CNOT6L: variants seen among roughly 807,000 people sequenced by gnomAD.
CNOT6L encodes the protein CCR4-NOT transcription complex subunit 6 like, also known as CCR4-NOT transcription complex subunit 6-like.
Under a neutral mutation model 64.0 loss-of-function variants are expected in CNOT6L, and 7 were observed. The observed-to-expected ratio is 0.11, with a 90% CI of 0.06 to 0.21. CNOT6L has a LOEUF of 0.21. Among genes scored for constraint, CNOT6L ranks in the 10% least tolerant of loss-of-function variants. The pLI is 1.00. For synonymous variants in CNOT6L, 193 were observed against 243.4 expected (o/e 0.79, Z 1.93); for missense variants, 245 against 669.0 (o/e 0.37, Z 6.99).
In CNOT6L at chr4:77,716,977, C is replaced by CA. The variant is rs1419375820; in HGVS notation, c.*3453dup. 6.6e-6 allele frequency: 1 copy of CA among 152,516 alleles called. No individual in the cohort carries two copies. The highest frequency in any genetic ancestry group is 2.4e-5 in the African/African-American group (1 of 41,416). 9.4% of individuals were successfully genotyped at this position (152,516 alleles called of 1,614,324 possible). ...AACATGTGATATTCAAACGAATGTTCACACGCCTTACATCAAAGAAATGAA... is the reference window on the plus strand; with the variant it reads ...AACATGTGATATTCAAACGAATGTTCAACACGCCTTACATCAAAGAAATGAA... On this transcript the variant is annotated 3_prime_UTR_variant, in exon 12 of 12. Coordinates refer to ENST00000504123, the MANE Select transcript of CNOT6L (RefSeq NM_144571.3).
At chr4:77,758,699 G>A (rs1460196225) in intron 4 of CNOT6L, among the ~76,000 whole-genome samples, 3 of 152,112 alleles carry the variant, frequency 2.0e-5, no homozygotes, top group African/African-American at 7.2e-5. Flanking sequence ...ATTAGCTTGA[G>A]AGTTAAAAAC....
intron 11 of CNOT6L, among the ~76,000 whole-genome samples, chr4:77,722,296 G>T (rs1263078445): frequency 1.3e-5 from 2 of 152,094 alleles, no homozygotes; most frequent in Admixed American, 1.3e-4. Context: ...GCTCATGCCT[G>T]ATGCCTGTAA....
At chr4:77,755,520 T>C (rs1292622443) in intron 5 of CNOT6L, among the ~76,000 whole-genome samples, 2 of 152,106 alleles carry the variant, frequency 1.3e-5, no homozygotes, top group Non-Finnish European at 2.9e-5. Context: ...GGCCGAGATA[T>C]TTAATTTTAA....
At chr4:77,791,072 G>A (rs1331779041) in intron 1 of CNOT6L, among the ~76,000 whole-genome samples, 1 of 152,006 alleles carries the variant, frequency 6.6e-6, no homozygotes, top group Non-Finnish European at 1.5e-5. Flanking sequence ...GAGGTCAGGA[G>A]TTCCAGACCA....
chr4:77,796,763 A>C (rs1224807196), intron 1 of CNOT6L, among the ~76,000 whole-genome samples: 1 of 152,122 alleles, frequency 6.6e-6, no homozygotes, highest in Non-Finnish European at 1.5e-5. Context: ...ACACAAACAT[A>C]CATGGTCAAT....
intron 4 of CNOT6L, among the ~76,000 whole-genome samples, chr4:77,760,095 G>A (rs1406981124): frequency 3.9e-5 from 6 of 152,138 alleles, no homozygotes; most frequent in Middle Eastern, 3.4e-3. Flanking sequence ...TAATTGGTCC[G>A]GGCATGGTGG....
In CNOT6L at chr4:77,733,262, T is replaced by A. The variant is rs1465617356; in HGVS notation, c.873-1724A>T. Among the ~76,000 whole-genome samples the A allele has an allele frequency of 2.0e-5, 3 of 152,106 alleles. No individual in the cohort carries two copies. In the East Asian group the frequency reaches 5.8e-4, roughly 29 times the overall value. ...TTTATATCAGTCTCAGTGTCCAATT[T>A]TTGTATTTTGTTTTGGTTACAGAGT... On this transcript the variant is annotated intron_variant, in intron 8 of 11. Coordinates refer to ENST00000504123, the MANE Select transcript of CNOT6L (RefSeq NM_144571.3).
intron 5 of CNOT6L, among the ~76,000 whole-genome samples, chr4:77,754,259 T>C (rs146094009): frequency 1.3e-5 from 2 of 152,282 alleles, no homozygotes; most frequent in East Asian, 3.9e-4. Flanking sequence ...CCAAAAAATA[T>C]ACAAAACTCA....
intron 5 of CNOT6L, among the ~76,000 whole-genome samples, chr4:77,749,658 A>G (rs1314425616): frequency 6.6e-6 from 1 of 152,210 alleles, no homozygotes; most frequent in Non-Finnish European, 1.5e-5. Context: ...ACATAATATG[A>G]GCGAATACTC....
intron 3 of CNOT6L, 57 bp downstream of exon 3, chr4:77,774,473 T>G: frequency 7.4e-7 from 1 of 1,354,278 alleles, no homozygotes; most frequent in Non-Finnish European, 1.0e-6. Context: ...TAACATCCCC[T>G]CATTTTCTTA....
upstream of CNOT6L, chr4:77,819,536 G>GGCGC (rs1734058998): frequency 4.6e-6 from 3 of 656,430 alleles, no homozygotes; most frequent in Non-Finnish European, 6.6e-6. Context: ...CTCGCGGGCG[G>GGCGC]GCGCGCAGGG....
chr4:77,768,739 T>C (rs1180621388), intron 4 of CNOT6L, among the ~76,000 whole-genome samples: 1 of 151,802 alleles, frequency 6.6e-6, no homozygotes, highest in African/African-American at 2.4e-5. Context: ...AAAATGTAAA[T>C]TAAGAGTACA....
chr4:77,787,673 ACTAT>A (rs1729608217), intron 1 of CNOT6L, among the ~76,000 whole-genome samples: 1 of 152,228 alleles, frequency 6.6e-6, no homozygotes, highest in Non-Finnish European at 1.5e-5. Context: ...AGGAGACTAC[ACTAT>A]CTATTTCTAA....
At chr4:77,754,440 G>C (rs539771883) in intron 5 of CNOT6L, among the ~76,000 whole-genome samples, 2 of 152,180 alleles carry the variant, frequency 1.3e-5, no homozygotes, top group Non-Finnish European at 1.5e-5. Context: ...GTAACAAATA[G>C]AATAGGATCC....
In CNOT6L at chr4:77,713,816, T is replaced by C. The variant is rs1222064273; in HGVS notation, c.*6615A>G. 2 of 152,426 alleles carry C rather than the reference T, an allele frequency of 1.3e-5. No individual in the cohort carries two copies. The highest frequency in any genetic ancestry group is 1.3e-4 in the Admixed American group (2 of 15,258). The allele number at this position is 152,426 out of a possible 1,614,324, so 9.4% of individuals were successfully genotyped here. On this transcript the variant is annotated 3_prime_UTR_variant, in exon 12 of 12. Transcript: ENST00000504123. ...TCAGAGAGAATGTGTTCAGTAAGAG[T>C]AGAACCACTTTCTCCAGGGATGGCA...
chr4:77,766,041 C>T (rs572910052), intron 4 of CNOT6L, among the ~76,000 whole-genome samples: 1 of 152,278 alleles, frequency 6.6e-6, no homozygotes, highest in Admixed American at 6.5e-5. Flanking sequence ...CATCCATGAA[C>T]CAGTAACTGC....
intron 4 of CNOT6L, among the ~76,000 whole-genome samples, chr4:77,759,555 A>G (rs1373144933): frequency 6.7e-6 from 1 of 149,284 alleles, no homozygotes; most frequent in Non-Finnish European, 1.5e-5. Flanking sequence ...ACACAGCGTG[A>G]CTCCGTCTCC....
intron 7 of CNOT6L, among the ~76,000 whole-genome samples, chr4:77,744,396 A>G (rs1438032511): frequency 1.3e-5 from 2 of 152,172 alleles, no homozygotes; most frequent in Non-Finnish European, 2.9e-5. Context: ...TATATTCCTA[A>G]AAGACTGGCA....
chr4:77,715,245 A>G lies in CNOT6L; in HGVS notation c.*5186T>C, dbSNP rs1720624617. On this transcript the variant is annotated 3_prime_UTR_variant, in exon 12 of 12. Coordinates refer to ENST00000504123, the MANE Select transcript of CNOT6L (RefSeq NM_144571.3). ...TGGACCATGCTACCACCATGCCAAA[A>G]GAGTCATATCACTTGGCATTTGTAT... 1 of 152,120 alleles carries G rather than the reference A, an allele frequency of 6.6e-6. No homozygotes were observed. The highest frequency in any genetic ancestry group is 1.5e-5 in the Non-Finnish European group (1 of 68,012). 9.4% of individuals were successfully genotyped at this position (152,120 alleles called of 1,614,324 possible).
Sources: allele counts gnomAD v4.1 joint callset (sites outside exome capture counted in the v4.1 genomes callset), GRCh38; gene constraint gnomAD v4.1.1; transcripts MANE v1.5; gene names NCBI Gene and HGNC (gene_info 2026-07-23, HGNC 2026-07-21).